UBE2E3: variants seen among roughly 807,000 people sequenced by gnomAD.
UBE2E3 encodes the protein ubiquitin-conjugating enzyme E2 E3.
In UBE2E3, 5 loss-of-function variants were observed where a neutral mutation model predicts 23.6. The observed-to-expected ratio is 0.21, with a 90% CI of 0.11 to 0.44. The LOEUF (loss-of-function observed/expected upper bound fraction) is 0.44. Ranked by LOEUF, UBE2E3 falls within the 20% of genes least tolerant of loss-of-function variation. UBE2E3 has a pLI of 0.99. For missense variants in UBE2E3, 81 were observed against 249.8 expected, an observed-to-expected ratio of 0.32 and a Z score of 4.55; for synonymous variants, 78 against 87.5, an observed-to-expected ratio of 0.89 and a Z score of 0.60.
In UBE2E3 at chr2:181,062,882, A is replaced by G. The variant is rs1374785732; in HGVS notation, c.618A>G (p.Ala206=). The stretch of plus-strand genomic sequence containing the variant: ...CCAGACAGTGGACCAAGAGATACGC[A>G]ACATAATTCACATAATTTGTATGCA... ...RIARQWTKRY[A]T is the part of the protein sequence containing the mutation. The change falls in exon 6 of 6, where the codon GCA becomes GCG. Residue 206 remains alanine, a synonymous_variant. Coordinates refer to ENST00000410062, the MANE Select transcript of UBE2E3 (RefSeq NM_006357.4). 3.1e-6 allele frequency: 5 copies of G among 1,598,360 alleles called. No homozygotes were observed. Among genetic ancestry groups the G allele is most frequent in the Non-Finnish European group, 4.3e-6 (5 of 1,169,382 alleles).
intron 3 of UBE2E3, among the ~76,000 whole-genome samples, chr2:181,026,442 T>C (rs181823718): frequency 6.0e-4 from 91 of 151,960 alleles, no homozygotes; most frequent in African/African-American, 2.1e-3. Flanking sequence ...TCTATCTTGT[T>C]TGTCTGAAGG....
At chr2:180,993,184 A>G (rs1205071742) in intron 3 of UBE2E3, among the ~76,000 whole-genome samples, 1 of 152,234 alleles carries the variant, frequency 6.6e-6, no homozygotes, top group Non-Finnish European at 1.5e-5. Flanking sequence ...AGGTGGTGAT[A>G]AAGTAATACC....
intron 3 of UBE2E3, among the ~76,000 whole-genome samples, chr2:181,029,906 G>C (rs944107584): frequency 3.8e-4 from 57 of 148,534 alleles, no homozygotes; most frequent in African/African-American, 1.3e-3. Context: ...GTGCAGTCTC[G>C]GCTCATTGCA....
chr2:181,052,931 A>AT (rs1686885305), intron 3 of UBE2E3, among the ~76,000 whole-genome samples: 1 of 151,554 alleles, frequency 6.6e-6, no homozygotes, highest in Non-Finnish European at 1.5e-5. Flanking sequence ...TATCTGGCTG[A>AT]TTGGTGGGCT....
In UBE2E3 at chr2:180,992,835, A is replaced by AT. The variant is rs112502043; in HGVS notation, c.245+8752dup. Among the ~76,000 whole-genome samples, 112 of 149,822 alleles carry AT rather than the reference A, an allele frequency of 7.5e-4. 1 individual carries two copies. Among genetic ancestry groups the AT allele is most frequent in the African/African-American group, 2.2e-3 (90 of 40,740 alleles). ...TGCCACCACACTCAACTAATTTTGT[A>AT]TTTTTTTTTTAGTAGAGACAGGGTT... On this transcript the variant is annotated intron_variant, in intron 3 of 5. Coordinates refer to ENST00000410062, the MANE Select transcript of UBE2E3 (RefSeq NM_006357.4).
rs957021974 is a variant in UBE2E3, at chr2:180,998,550, T to A, written c.245+14457T>A. Reference sequence around the variant, plus strand: ...GATCATGTTTCCTACTTGATTTTAGTTGCTAGTCATTTCTTAATCTAAGCA... The same window carrying A: ...GATCATGTTTCCTACTTGATTTTAGATGCTAGTCATTTCTTAATCTAAGCA... On this transcript the variant is annotated intron_variant, in intron 3 of 5. Coordinates refer to ENST00000410062, the MANE Select transcript of UBE2E3 (RefSeq NM_006357.4). Among the ~76,000 whole-genome samples the A allele has an allele frequency of 3.6e-4, 54 of 151,866 alleles. 1 individual carries two copies. The highest frequency in any genetic ancestry group is 1.2e-3 in the African/African-American group (49 of 41,194).
In UBE2E3 at chr2:181,057,736, A is replaced by G; in HGVS notation, c.289A>G (p.Ile97Val). 1 of 1,611,134 alleles carries G rather than the reference A, an allele frequency of 6.2e-7. No homozygotes were observed. Among genetic ancestry groups the G allele is most frequent in the Non-Finnish European group, 8.5e-7 (1 of 1,178,340 alleles). ...TAACATTTATGAATGGAGATCAACTATACTTGGTCCACCGGGTTCTGTATA... is the reference window on the plus strand; with the variant it reads ...TAACATTTATGAATGGAGATCAACTGTACTTGGTCCACCGGGTTCTGTATA... ...GDNIYEWRST[I>V]LGPPGSVYEG... Residue 97 changes from isoleucine to valine, a missense_variant, in exon 4 of 6, where the codon ATA becomes GTA. Coordinates refer to ENST00000410062, the MANE Select transcript of UBE2E3 (RefSeq NM_006357.4).
chr2:181,012,000 C>T (rs1685343657), intron 3 of UBE2E3, among the ~76,000 whole-genome samples: 3 of 152,108 alleles, frequency 2.0e-5, no homozygotes. Flanking sequence ...CAGAATTAAA[C>T]CATCATTTTA....
chr2:181,054,829 G>A (rs1481742184), intron 3 of UBE2E3, among the ~76,000 whole-genome samples: 2 of 151,780 alleles, frequency 1.3e-5, no homozygotes, highest in Admixed American at 6.6e-5. Context: ...AGAGAAGAGT[G>A]TAAGGTCTTA....
At position 181,062,797 on chromosome 2, in the gene UBE2E3, C is replaced by G; in HGVS notation, c.533C>G (p.Pro178Arg). ...GTTCTTTCTGCTTTTCCAGCGGATC[C>G]TCTGGTTGGAAGCATAGCCACTCAG... ...SLLTDCNPAD[P>R]LVGSIATQYL... The change falls in exon 6 of 6, where the codon CCT becomes CGT. Residue 178 changes from proline (P) to arginine (R), a missense_variant. Transcript: ENST00000410062. The G allele has an allele frequency of 6.3e-7, 1 of 1,596,668 alleles. No homozygotes were observed. The highest frequency in any genetic ancestry group is 8.6e-7 in the Non-Finnish European group (1 of 1,169,188).
chr2:181,031,086 C>T (rs764577639), intron 3 of UBE2E3, among the ~76,000 whole-genome samples: 3 of 152,040 alleles, frequency 2.0e-5, no homozygotes, highest in Non-Finnish European at 4.4e-5. Flanking sequence ...TAAAGCTGTA[C>T]ATTTACCTCT....
chr2:181,059,349 A>G (rs987355769), intron 4 of UBE2E3, among the ~76,000 whole-genome samples: 1 of 151,814 alleles, frequency 6.6e-6, no homozygotes, highest in East Asian at 1.9e-4. Flanking sequence ...CACTAGTTAT[A>G]GCTGAAAATA....
chr2:181,060,213 G>A (rs1234169981), intron 4 of UBE2E3, among the ~76,000 whole-genome samples: 1 of 151,608 alleles, frequency 6.6e-6, no homozygotes, highest in Non-Finnish European at 1.5e-5. Context: ...GAAATTAGCT[G>A]AATTGATACT....
At chr2:181,052,954 C>G (rs1180528044) in intron 3 of UBE2E3, among the ~76,000 whole-genome samples, 1 of 151,810 alleles carries the variant, frequency 6.6e-6, no homozygotes, top group African/African-American at 2.4e-5. Context: ...CCATGTGCCT[C>G]TCTGTGCACA....
At chr2:181,007,043 A>G (rs1223077764) in intron 3 of UBE2E3, among the ~76,000 whole-genome samples, 2 of 152,202 alleles carry the variant, frequency 1.3e-5, no homozygotes, top group Admixed American at 6.5e-5. Flanking sequence ...ATTTTGAACC[A>G]TTCAGTCTCA....
intron 3 of UBE2E3, among the ~76,000 whole-genome samples, chr2:181,051,600 A>T (rs1574221763): frequency 6.6e-6 from 1 of 151,822 alleles, no homozygotes; most frequent in African/African-American, 2.4e-5. Flanking sequence ...TGATAGCCTC[A>T]TTGTGGGAAA....
At chr2:180,983,685 C>T (rs1684370513) in intron 2 of UBE2E3, among the ~76,000 whole-genome samples, 1 of 152,194 alleles carries the variant, frequency 6.6e-6, no homozygotes, top group Non-Finnish European at 1.5e-5. Flanking sequence ...TATTCCAGTG[C>T]TTTCCCTCCT....
At chr2:181,032,037 T>C (rs1349453554) in intron 3 of UBE2E3, among the ~76,000 whole-genome samples, 1 of 152,118 alleles carries the variant, frequency 6.6e-6, no homozygotes, top group Non-Finnish European at 1.5e-5. Context: ...TTCAGGGAGG[T>C]GCTCCATTAG....
At chr2:181,026,843 A>C (rs562875974) in intron 3 of UBE2E3, among the ~76,000 whole-genome samples, 1 of 151,454 alleles carries the variant, frequency 6.6e-6, no homozygotes, top group African/African-American at 2.4e-5. Flanking sequence ...TTAATGATTG[A>C]TATTCAGGTC....
Sources: gnomAD v4.1 joint callset for allele counts (sites outside exome capture counted in the v4.1 genomes callset) on GRCh38, gnomAD v4.1.1 for gene constraint, MANE v1.5 for transcripts, NCBI Gene and HGNC (gene_info 2026-07-23, HGNC 2026-07-21) for gene names.